RUNX2: variants seen among roughly 807,000 people sequenced by gnomAD.
RUNX2 encodes the protein RUNX family transcription factor 2.
RUNX2 carries 10 observed loss-of-function variants against 51.7 expected under a neutral mutation model. The ratio of observed to expected loss-of-function variants is 0.19; its 90% CI spans 0.12 to 0.33. The LOEUF (loss-of-function observed/expected upper bound fraction) is 0.33. RUNX2 is among the 10% of genes least tolerant of loss of function. The pLI is 1.00. For synonymous variants in RUNX2, 276 were observed against 273.6 expected (o/e 1.01, Z -0.09); for missense variants, 562 against 691.3 (o/e 0.81, Z 2.10).
intron 2 of RUNX2, among the ~76,000 whole-genome samples, chr6:45,337,462 TAGA>T (rs1203760531): frequency 6.6e-6 from 1 of 151,838 alleles, no homozygotes; most frequent in African/African-American, 2.4e-5. Flanking sequence ...TACTCATTTC[TAGA>T]AGGCCAGAAA....
Position 45,506,752 on chromosome 6 carries a change from C to G in RUNX2, c.860-5494C>G, listed in dbSNP as rs569298553. On this transcript the variant is annotated intron_variant, in intron 6 of 8. Transcript: ENST00000647337. The stretch of plus-strand genomic sequence containing the variant: ...GCCTCCCAGGCTCAAATGATCCTCC[C>G]TCCTCAGCCTCTAGAGTAGCTGGGA... 1.4e-4 allele frequency among the ~76,000 whole-genome samples: 21 copies of G among 152,212 alleles called. No homozygotes were observed. The East Asian group carries it at 3.5e-3, about 25-fold the overall frequency.
chr6:45,383,758 CCTT>C (rs1410680722), intron 2 of RUNX2, among the ~76,000 whole-genome samples: 1 of 152,160 alleles, frequency 6.6e-6, no homozygotes, highest in Admixed American at 6.5e-5. Flanking sequence ...CAAATAACTG[CCTT>C]CTTTTTCTAT....
chr6:45,464,225 C>T (rs1055454242), intron 5 of RUNX2, among the ~76,000 whole-genome samples: 5 of 151,744 alleles, frequency 3.3e-5, no homozygotes, highest in Non-Finnish European at 7.4e-5. Context: ...ACATCAGAGA[C>T]AGTTTGGCTC....
chr6:45,537,402 C>T (rs1802072626), intron 7 of RUNX2, among the ~76,000 whole-genome samples: 1 of 152,192 alleles, frequency 6.6e-6, no homozygotes, highest in Non-Finnish European at 1.5e-5. Flanking sequence ...AAGTCTGGGG[C>T]CAGGTCTTGG....
chr6:45,422,596 C>T lies in RUNX2; in HGVS notation c.62C>T (p.Pro21Leu), dbSNP rs780033324. ...TPCQQNFFWD[P>L]STSRRFSPPS... is the part of the protein sequence containing the mutation. ...GTTGTGATGCGTATTCCCGTAGATCCGAGCACCAGCCGGCGCTTCAGCCCC... is the reference window on the plus strand; with the variant it reads ...GTTGTGATGCGTATTCCCGTAGATCTGAGCACCAGCCGGCGCTTCAGCCCC... The change falls in exon 3 of 9, where the codon CCG (proline) becomes CTG (leucine). Residue 21 changes from proline to leucine, a missense_variant. Coordinates refer to ENST00000647337, the MANE Select transcript of RUNX2 (RefSeq NM_001024630.4). 1.9e-6 allele frequency: 3 copies of T among 1,603,112 alleles called. No individual in the cohort carries two copies. Among genetic ancestry groups the T allele is most frequent in the South Asian group, 1.1e-5 (1 of 89,404 alleles).
At chr6:45,390,244 GT>G (rs901157650) in intron 2 of RUNX2, among the ~76,000 whole-genome samples, 4 of 93,136 alleles carry the variant, frequency 4.3e-5, no homozygotes, top group Admixed American at 1.1e-4. Flanking sequence ...TCAGCATTTT[GT>G]TTTTTATGCT....
Position 45,547,391 on chromosome 6 carries a change from TG to T in RUNX2, c.*87del. 8 of 1,078,704 alleles carry T rather than the reference TG, an allele frequency of 7.4e-6. No individual in the cohort carries two copies. Among genetic ancestry groups the T allele is most frequent in the Non-Finnish European group, 1.1e-5 (8 of 702,616 alleles). The allele number at this position is 1,078,704 out of a possible 1,614,324, so 66.8% of individuals were successfully genotyped here. A position where few individuals can be genotyped will look rare whatever the true frequency, so the allele number is the denominator to read the frequency against. ...CATATATAGAGAGAGTGCATATATA[TG>T]TATATCGATTAGCTATCTACAAAGT... On this transcript the variant is annotated 3_prime_UTR_variant, in exon 9 of 9. Transcript: ENST00000647337.
intron 2 of RUNX2, among the ~76,000 whole-genome samples, chr6:45,414,091 T>C (rs887261221): frequency 1.3e-5 from 2 of 152,216 alleles, no homozygotes; most frequent in African/African-American, 4.8e-5. Flanking sequence ...TTCTGCTTCA[T>C]CTTAATGAGG....
chr6:45,456,013 T>C (rs1799307842), intron 5 of RUNX2, among the ~76,000 whole-genome samples: 1 of 152,244 alleles, frequency 6.6e-6, no homozygotes, highest in South Asian at 2.1e-4. Flanking sequence ...TATATGATGC[T>C]CAGTGCTGCC....
At chr6:45,519,091 G>A (rs1269038658) in intron 7 of RUNX2, among the ~76,000 whole-genome samples, 1 of 151,998 alleles carries the variant, frequency 6.6e-6, no homozygotes, top group African/African-American at 2.4e-5. Context: ...ATCTGTTTAG[G>A]GATTTGATGT....
intron 5 of RUNX2, among the ~76,000 whole-genome samples, chr6:45,457,366 G>A (rs1358699647): frequency 2.0e-5 from 3 of 152,132 alleles, no homozygotes; most frequent in Admixed American, 1.3e-4. Flanking sequence ...AGCAGGTAAG[G>A]TAGTTCTTTT....
intron 2 of RUNX2, among the ~76,000 whole-genome samples, chr6:45,340,696 C>A (rs781363784): frequency 6.6e-6 from 1 of 151,986 alleles, no homozygotes; most frequent in Non-Finnish European, 1.5e-5. Flanking sequence ...AATTAATAGT[C>A]TTAATGTCCA....
intron 5 of RUNX2, among the ~76,000 whole-genome samples, chr6:45,459,757 C>T (rs1799420436): frequency 6.6e-6 from 1 of 152,078 alleles, no homozygotes; most frequent in African/African-American, 2.4e-5. Context: ...GTGATAAGTA[C>T]TTTAAAGAAA....
rs760143015 is a variant in RUNX2 at position 45,512,256 on chromosome 6, G to C, written c.870G>C (p.Gln290His). Residue 290 changes from glutamine to histidine, a missense_variant, in exon 7 of 9, where the codon CAG (glutamine) becomes CAC (histidine). Coordinates refer to ENST00000647337, the MANE Select transcript of RUNX2 (RefSeq NM_001024630.4). Reference protein sequence around the residue: ...QGQSQITDPRQAQSSPPWSYD... With the variant: ...QGQSQITDPRHAQSSPPWSYD... ...TTTTCTTTTTCCCAGACCCCAGGCA[G>C]GCACAGTCTTCCCCGCCGTGGTCCT... is the stretch of plus-strand genomic sequence containing the variant. The C allele has an allele frequency of 1.9e-6, 3 of 1,613,850 alleles. No homozygotes were observed. Among genetic ancestry groups the C allele is most frequent in the Middle Eastern group, 1.6e-4 (1 of 6,062 alleles).
rs905892375 is a variant in RUNX2 at position 45,458,113 on chromosome 6, G to A, written c.685+20062G>A. Among the ~76,000 whole-genome samples the A allele has an allele frequency of 6.0e-5, 9 of 149,810 alleles. No homozygotes were observed. The Middle Eastern group carries it at 0.017, about 287-fold the overall frequency. On this transcript the variant is annotated intron_variant, in intron 5 of 8. Transcript: ENST00000647337. ...GCGATCTCAGCTCACTGCAGCCTCC[G>A]CCTCCTGGGTTCAAGAGATTCTCCT...
chr6:45,515,769 CA>C (rs1457336716), intron 7 of RUNX2, among the ~76,000 whole-genome samples: 1 of 151,968 alleles, frequency 6.6e-6, no homozygotes, highest in Non-Finnish European at 1.5e-5. Context: ...GAACCATTCA[CA>C]AAAAAGTCAA....
intron 2 of RUNX2, among the ~76,000 whole-genome samples, chr6:45,381,695 C>T (rs749849338): frequency 1.2e-4 from 18 of 152,160 alleles, no homozygotes; most frequent in Non-Finnish European, 1.0e-4. Context: ...TCCCAAAGTG[C>T]TGGGATTACA....
chr6:45,513,709 A>G (rs975603091), intron 7 of RUNX2: 1 of 152,180 alleles, frequency 6.6e-6, no homozygotes, highest in Non-Finnish European at 1.5e-5. Flanking sequence ...TTGGAAAACC[A>G]TGTTACCACT....
intron 7 of RUNX2, among the ~76,000 whole-genome samples, chr6:45,533,755 A>T (rs766463103): frequency 6.6e-6 from 1 of 152,130 alleles, no homozygotes; most frequent in Admixed American, 6.6e-5. Flanking sequence ...AAAAGGTAGT[A>T]GTTTGGTTCC....
Sources: allele counts gnomAD v4.1 joint callset (sites outside exome capture counted in the v4.1 genomes callset), GRCh38; gene constraint gnomAD v4.1.1; transcripts MANE v1.5; gene names NCBI Gene and HGNC (gene_info 2026-07-23, HGNC 2026-07-21).